Variants in PITX3 observed in about 807,000 individuals in gnomAD.
PITX3 encodes pituitary homeobox 3.
Under a neutral mutation model 14.2 loss-of-function variants are expected in PITX3, and 4 were observed. The ratio of observed to expected loss-of-function variants is 0.28; its 90% CI spans 0.14 to 0.65. The LOEUF (loss-of-function observed/expected upper bound fraction) is 0.65, where lower values mean the gene tolerates loss of function less well. Among genes scored for constraint, PITX3 ranks in the 30% least tolerant of loss-of-function variants. The pLI is 0.82. For missense variants in PITX3, 358 were observed against 426.8 expected (o/e 0.84, Z 1.42); for synonymous variants, 194 against 204.5 (o/e 0.95, Z 0.44).
chr10:102,231,251 G>A (rs1590405245), intron 3 of PITX3, 150 bp from the exon 4 acceptor site: 1 of 818,836 alleles, frequency 1.2e-6, no homozygotes, highest in Non-Finnish European at 1.8e-6. Flanking sequence ...AGGAGCGCAC[G>A]GAGTCCGGGG....
intron 1 of PITX3, among the ~76,000 whole-genome samples, chr10:102,233,883 C>A (rs936717596): frequency 1.3e-5 from 2 of 152,178 alleles, no homozygotes; most frequent in Non-Finnish European, 2.9e-5. Context: ...CTCCAAGTTT[C>A]CCCCGCAGGG....
intron 1 of PITX3, among the ~76,000 whole-genome samples, chr10:102,238,210 C>T (rs1234860579): frequency 2.0e-5 from 3 of 152,134 alleles, no homozygotes; most frequent in Non-Finnish European, 2.9e-5. Flanking sequence ...CATGGACACC[C>T]TAGACACCCC....
At chr10:102,239,915 C>T (rs1387499485) in intron 1 of PITX3, among the ~76,000 whole-genome samples, 1 of 152,234 alleles carries the variant, frequency 6.6e-6, no homozygotes, top group East Asian at 1.9e-4. Context: ...CCCAACCAGA[C>T]TGAGAGGGCC....
chr10:102,233,304 C>CT (rs35379060), intron 1 of PITX3, among the ~76,000 whole-genome samples: 65,133 of 107,772 alleles, frequency 0.6, 20,866 homozygotes, highest in East Asian at 0.73. Flanking sequence ...TTTTTTCCTT[C>CT]TTTTTTTTTT....
Position 102,230,790 on chromosome 10 carries a change from C to T in PITX3, c.633G>A (p.Gly211=). The part of the protein sequence containing the change: ...SAAAAPGTVP[G]PGALQGLGGG... ...CGCCCAGGCCCTGCAGGGCCCCAGG[C>T]CCTGGCACGGTGCCCGGGGCAGCCG... Residue 211 remains glycine (G), a synonymous_variant, in exon 4 of 4, where the codon GGG becomes GGA. Transcript: ENST00000370002. 2.6e-6 allele frequency: 4 copies of T among 1,547,502 alleles called. No homozygotes were observed. Among genetic ancestry groups the T allele is most frequent in the Non-Finnish European group, 3.5e-6 (4 of 1,145,870 alleles).
intron 1 of PITX3, among the ~76,000 whole-genome samples, chr10:102,240,191 T>C (rs2070496595): frequency 6.6e-6 from 1 of 152,356 alleles, no homozygotes; most frequent in African/African-American, 2.4e-5. Context: ...AGGGGGCAAC[T>C]GAGGCTGCCA....
At chr10:102,233,335 G>C (rs2070304763) in intron 1 of PITX3, among the ~76,000 whole-genome samples, 1 of 117,002 alleles carries the variant, frequency 8.5e-6, no homozygotes, top group Middle Eastern at 6.5e-3. Context: ...ATGGAGTCTC[G>C]CTTTGTTGCC....
intron 1 of PITX3, among the ~76,000 whole-genome samples, chr10:102,236,850 C>A (rs2070407950): frequency 6.6e-6 from 1 of 152,126 alleles, no homozygotes; most frequent in Non-Finnish European, 1.5e-5. Context: ...ATGAGAGGAG[C>A]TGGAGTTGTG....
Position 102,231,796 on chromosome 10 carries a change from G to T in PITX3, c.119-6C>A. The T allele has an allele frequency of 6.3e-7, 1 of 1,596,584 alleles. No homozygotes were observed. Among genetic ancestry groups the T allele is most frequent in the Non-Finnish European group, 8.5e-7 (1 of 1,175,622 alleles). On this transcript the variant is annotated splice_polypyrimidine_tract_variant and splice_region_variant and intron_variant, in intron 2 of 3. Coordinates refer to ENST00000370002, the MANE Select transcript of PITX3 (RefSeq NM_005029.4). ...AGCCGAGGCCTTTTCTGAGTCTGGG[G>T]GCCAGGGTGGGGGCAGGTCACAGAG...
chr10:102,235,492 T>A (rs2070369755), intron 1 of PITX3, among the ~76,000 whole-genome samples: 1 of 152,164 alleles, frequency 6.6e-6, no homozygotes, highest in Non-Finnish European at 1.5e-5. Flanking sequence ...ACTTTACCTC[T>A]CTGAGCACAT....
In PITX3 at chr10:102,230,526, T is replaced by C. The variant is rs1274020786; in HGVS notation, c.897A>G (p.Glu299=). The change falls in exon 4 of 4, where the codon GAA becomes GAG. Residue 299 remains glutamate, a synonymous_variant. Transcript: ENST00000370002. ...CGGGCGGGGCCGCTCATACGGGCCTTTCCACGGCGTACTGGCACGGACTAA... is the reference window on the plus strand; with the variant it reads ...CGGGCGGGGCCGCTCATACGGGCCTCTCCACGGCGTACTGGCACGGACTAA... ...ANLSPCQYAV[E]RPV 3 of 1,609,156 alleles carry C rather than the reference T, an allele frequency of 1.9e-6. No individual in the cohort carries two copies. Among genetic ancestry groups the C allele is most frequent in the African/African-American group, 2.7e-5 (2 of 74,822 alleles).
chr10:102,235,274 G>T (rs941757330), intron 1 of PITX3, among the ~76,000 whole-genome samples: 1 of 151,572 alleles, frequency 6.6e-6, no homozygotes, highest in African/African-American at 2.4e-5. Flanking sequence ...AGGGGCCAGG[G>T]GAGTGTTCTG....
Position 102,230,244 on chromosome 10 carries a change from G to A in PITX3, c.*270C>T. The A allele has an allele frequency of 2.2e-6, 1 of 454,078 alleles. No individual in the cohort carries two copies. The highest frequency in any genetic ancestry group is 3.9e-6 in the Non-Finnish European group (1 of 256,060). The allele number at this position is 454,078 out of a possible 1,614,324, so 28.1% of individuals were successfully genotyped here. On this transcript the variant is annotated 3_prime_UTR_variant, in exon 4 of 4. Transcript: ENST00000370002. ...TTTGAAAACGAGGGAGGGGAAGCCT[G>A]GAGAAGGCGGGATGGGCCAAGGGTG...
chr10:102,230,250 G>A lies in PITX3; in HGVS notation c.*264C>T, dbSNP rs2070197786. The A allele has an allele frequency of 4.4e-6, 2 of 457,038 alleles. No homozygotes were observed. Among genetic ancestry groups the A allele is most frequent in the Admixed American group, 3.9e-5 (1 of 25,970 alleles). The allele number at this position is 457,038 out of a possible 1,614,324, so 28.3% of individuals were successfully genotyped here. On this transcript the variant is annotated 3_prime_UTR_variant, in exon 4 of 4. Coordinates refer to ENST00000370002, the MANE Select transcript of PITX3 (RefSeq NM_005029.4). ...AACGAGGGAGGGGAAGCCTGGAGAA[G>A]GCGGGATGGGCCAAGGGTGAGTTGG... is the stretch of plus-strand genomic sequence containing the variant.
chr10:102,237,579 C>G (rs1407827104), intron 1 of PITX3, among the ~76,000 whole-genome samples: 1 of 151,990 alleles, frequency 6.6e-6, no homozygotes, highest in Non-Finnish European at 1.5e-5. Flanking sequence ...AGCAACAGCC[C>G]TGAATAAAGA....
At chr10:102,239,911 C>T (rs1020328439) in intron 1 of PITX3, among the ~76,000 whole-genome samples, 1 of 152,216 alleles carries the variant, frequency 6.6e-6, no homozygotes, top group African/African-American at 2.4e-5. Flanking sequence ...CCTTCCCAAC[C>T]AGACTGAGAG....
chr10:102,240,884 C>T (rs767728188), intron 1 of PITX3, among the ~76,000 whole-genome samples: 40 of 152,338 alleles, frequency 2.6e-4, no homozygotes, highest in Non-Finnish European at 4.7e-4. Context: ...GCTCCCAGCC[C>T]CAGGAGTCTG....
intron 1 of PITX3, among the ~76,000 whole-genome samples, chr10:102,237,577 C>A (rs1272980113): frequency 6.6e-6 from 1 of 151,992 alleles, no homozygotes; most frequent in Non-Finnish European, 1.5e-5. Flanking sequence ...TGAGCAACAG[C>A]CCTGAATAAA....
At chr10:102,240,268 T>C (rs991090457) in intron 1 of PITX3, among the ~76,000 whole-genome samples, 1 of 152,216 alleles carries the variant, frequency 6.6e-6, no homozygotes, top group Non-Finnish European at 1.5e-5. Flanking sequence ...CCTTTCCTGG[T>C]CTTGATTCCC....
Sources: allele counts gnomAD v4.1 joint callset (sites outside exome capture counted in the v4.1 genomes callset), GRCh38; gene constraint gnomAD v4.1.1; transcripts MANE v1.5; gene names NCBI Gene and HGNC (gene_info 2026-07-23, HGNC 2026-07-21).